Variants in CTNNAL1 observed in about 807,000 individuals in gnomAD.
CTNNAL1 encodes alpha-catulin.
A neutral mutation model predicts 93.6 loss-of-function variants in CTNNAL1; 69 were observed. That is an observed-to-expected ratio of 0.74 (90% CI 0.61 to 0.90). CTNNAL1 has a LOEUF of 0.90. CTNNAL1 is among the 40% of genes least tolerant of loss of function. CTNNAL1 has a pLI of 0.00. For synonymous variants in CTNNAL1, 286 were observed against 305.4 expected (o/e 0.94, Z 0.66); for missense variants, 836 against 862.0 (o/e 0.97, Z 0.38).
rs570065521 is a variant in CTNNAL1 at position 108,990,973 on chromosome 9, T to G, written c.520-128A>C. 1.3e-4 allele frequency: 136 copies of G among 1,023,878 alleles called. 1 individual carries two copies. The African/African-American group carries it at 1.9e-3, about 14-fold the overall frequency. The allele number at this position is 1,023,878 out of a possible 1,614,324, so 63.4% of individuals were successfully genotyped here. A position where few individuals can be genotyped will look rare whatever the true frequency, so the allele number is the denominator to read the frequency against. On this transcript the variant is annotated intron_variant, in intron 3 of 18. Coordinates refer to ENST00000325551, the MANE Select transcript of CTNNAL1 (RefSeq NM_003798.4). ...TGAAAGCTGAGGAGGAGGAGCCAGATAGAAGACACACAAGGGGATGCTCAG... is the reference window on the plus strand; with the variant it reads ...TGAAAGCTGAGGAGGAGGAGCCAGAGAGAAGACACACAAGGGGATGCTCAG...
intron 1 of CTNNAL1, among the ~76,000 whole-genome samples, chr9:109,006,554 A>G (rs1196904810): frequency 6.6e-6 from 1 of 152,218 alleles, no homozygotes; most frequent in African/African-American, 2.4e-5. Context: ...ATACAATCTT[A>G]ACTATAGTTC....
intron 8 of CTNNAL1, among the ~76,000 whole-genome samples, chr9:108,974,294 G>T (rs1831198237): frequency 6.6e-6 from 1 of 152,152 alleles, no homozygotes; most frequent in Non-Finnish European, 1.5e-5. Context: ...CTGACAGTCA[G>T]GATTTTAACA....
chr9:109,013,258 C>A, intron 1 of CTNNAL1, 44 bp downstream of exon 1: 1 of 1,433,126 alleles, frequency 7.0e-7, no homozygotes, highest in Non-Finnish European at 9.2e-7. Context: ...CATCGCGGGC[C>A]GCGGCGGGAA....
chr9:108,986,366 T>C (rs2132162249), intron 4 of CTNNAL1, among the ~76,000 whole-genome samples: 1 of 148,824 alleles, frequency 6.7e-6, no homozygotes, highest in African/African-American at 2.5e-5. Flanking sequence ...CTCATCATTT[T>C]TTATGGCTGC....
chr9:108,997,389 C>T (rs1203284905), intron 2 of CTNNAL1, among the ~76,000 whole-genome samples: 1 of 152,210 alleles, frequency 6.6e-6, no homozygotes, highest in African/African-American at 2.4e-5. Context: ...CATTCGTTCA[C>T]TTCCTCCACA....
At chr9:108,965,623 C>T in intron 10 of CTNNAL1, 95 bp from the exon 11 acceptor site, 3 of 603,990 alleles carry the variant, frequency 5.0e-6, no homozygotes, top group Non-Finnish European at 5.2e-6. Context: ...CTGTTCAATT[C>T]AACTCAATAA....
At chr9:108,960,197 G>A (rs1392400529) in intron 11 of CTNNAL1, among the ~76,000 whole-genome samples, 2 of 152,114 alleles carry the variant, frequency 1.3e-5, no homozygotes, top group Non-Finnish European at 2.9e-5. Context: ...GCAGGAATGA[G>A]GTATTCTAAT....
intron 11 of CTNNAL1, among the ~76,000 whole-genome samples, chr9:108,958,908 T>A (rs1399867414): frequency 6.7e-6 from 1 of 150,194 alleles, no homozygotes; most frequent in Non-Finnish European, 1.5e-5. Flanking sequence ...TAATTATAGA[T>A]GTTATTTCCA....
intron 10 of CTNNAL1, among the ~76,000 whole-genome samples, chr9:108,966,733 T>C (rs905219294): frequency 1.0e-4 from 2 of 19,668 alleles, no homozygotes; most frequent in South Asian, 4.8e-3. Context: ...AATGAATTAA[T>C]GAATAACTAA....
At chr9:108,984,227 G>A (rs983148227) in intron 5 of CTNNAL1, 120 bp downstream of exon 5, 16 of 624,454 alleles carry the variant, frequency 2.6e-5, no homozygotes, top group African/African-American at 9.3e-5. Context: ...TAACTATTCA[G>A]GCCTATGTTC....
chr9:108,999,035 A>G, intron 2 of CTNNAL1, 32 bp downstream of exon 2: 2 of 1,570,838 alleles, frequency 1.3e-6, no homozygotes, highest in Non-Finnish European at 1.7e-6. Context: ...TAAAAGTGGT[A>G]TGAATAGTCT....
intron 15 of CTNNAL1, among the ~76,000 whole-genome samples, chr9:108,947,099 T>G (rs1587940902): frequency 6.6e-6 from 1 of 150,818 alleles, no homozygotes. Flanking sequence ...AGTGATAAAG[T>G]GATAGAAATT....
intron 9 of CTNNAL1, among the ~76,000 whole-genome samples, chr9:108,971,149 T>A (rs1257697688): frequency 6.6e-6 from 1 of 152,222 alleles, no homozygotes; most frequent in Non-Finnish European, 1.5e-5. Context: ...AGAAGCTATA[T>A]CTACAGTCAT....
rs568819271 is a variant in CTNNAL1 at position 109,003,438 on chromosome 9, G to A, written c.142-4182C>T. ...CCTGCTCCAAACTTCCATAAGCAGGGAACAGGCTGAGAAATCTACGCAGCT... is the reference window on the plus strand; with the variant it reads ...CCTGCTCCAAACTTCCATAAGCAGGAAACAGGCTGAGAAATCTACGCAGCT... On this transcript the variant is annotated intron_variant, in intron 1 of 18. Coordinates refer to ENST00000325551, the MANE Select transcript of CTNNAL1 (RefSeq NM_003798.4). Among the ~76,000 whole-genome samples the A allele has an allele frequency of 2.6e-5, 4 of 152,248 alleles. No individual in the cohort carries two copies. The South Asian group carries it at 8.3e-4, about 32-fold the overall frequency.
chr9:109,011,138 A>C (rs1827191182), intron 1 of CTNNAL1, among the ~76,000 whole-genome samples: 1 of 152,228 alleles, frequency 6.6e-6, no homozygotes, highest in Non-Finnish European at 1.5e-5. Context: ...CTGCTGTTTT[A>C]ATCTCCTAAC....
chr9:108,948,062 G>A (rs1019905575), intron 15 of CTNNAL1, 124 bp downstream of exon 15: 22 of 1,129,548 alleles, frequency 1.9e-5, no homozygotes, highest in African/African-American at 1.8e-4. Context: ...ACTGCTCTCT[G>A]TAATACACAG....
chr9:108,965,637 A>C (rs1277331770), intron 10 of CTNNAL1, 109 bp from the exon 11 acceptor site: 1 of 520,616 alleles, frequency 1.9e-6, no homozygotes, highest in East Asian at 3.4e-5. Context: ...TCAATAAACA[A>C]CTATGAAGTA....
chr9:108,955,692 C>T (rs1814766917), intron 12 of CTNNAL1, 98 bp downstream of exon 12: 3 of 1,054,722 alleles, frequency 2.8e-6, no homozygotes, highest in Admixed American at 2.2e-5. Context: ...TCTGTCATGT[C>T]AATTATTTGT....
chr9:108,943,106 T>G, intron 17 of CTNNAL1, 62 bp from the exon 18 acceptor site: 1 of 1,408,166 alleles, frequency 7.1e-7, no homozygotes, highest in Non-Finnish European at 9.7e-7. Flanking sequence ...ACCTTACCAT[T>G]TATTTAGTTT....
Sources: gnomAD v4.1 joint callset for allele counts (sites outside exome capture counted in the v4.1 genomes callset) on GRCh38, gnomAD v4.1.1 for gene constraint, MANE v1.5 for transcripts, NCBI Gene and HGNC (gene_info 2026-07-23, HGNC 2026-07-21) for gene names.